The following CDK5RAP1 variants were observed in gnomAD, a reference collection of about 807,000 sequenced individuals.
CDK5RAP1 encodes CDK5RAP1 mitochondrial tRNA methylthiotransferase.
Under a neutral mutation model 64.5 loss-of-function variants are expected in CDK5RAP1, and 62 were observed. The observed-to-expected ratio is 0.96, with a 90% CI of 0.78 to 1.19. The LOEUF is 1.19. Ranked by LOEUF, CDK5RAP1 falls within the 50% of genes most tolerant of loss-of-function variation. The probability of loss-of-function intolerance (pLI) is 0.00; values close to 1 mark genes in which losing one functional copy is unlikely to be tolerated. For synonymous variants in CDK5RAP1, 250 were observed against 261.9 expected (o/e 0.95, Z 0.44); for missense variants, 657 against 735.0 (o/e 0.89, Z 1.23).
chr20:33,376,541 C>T (rs757655559), intron 8 of CDK5RAP1, among the ~76,000 whole-genome samples: 10 of 152,060 alleles, frequency 6.6e-5, no homozygotes, highest in East Asian at 5.8e-4. Context: ...TCATTGACAA[C>T]GCACCTGGTC....
At position 33,397,066 on chromosome 20, in the gene CDK5RAP1, G is replaced by A. The variant is rs150574173; in HGVS notation, c.-2C>T. 1.1e-5 allele frequency: 17 copies of A among 1,594,194 alleles called. No individual in the cohort carries two copies. Among genetic ancestry groups the A allele is most frequent in the Admixed American group, 1.7e-5 (1 of 57,488 alleles). On this transcript the variant is annotated 5_prime_UTR_variant, in exon 2 of 14. Coordinates refer to ENST00000346416, the MANE Select transcript of CDK5RAP1 (RefSeq NM_016408.4). ...GAGGACACACTGTAAAGGGTGCATG[G>A]CACTAAACAGCCCACAGTCTGCAAA... is the stretch of plus-strand genomic sequence containing the variant.
chr20:33,386,265 T>C (rs951898551), intron 6 of CDK5RAP1, among the ~76,000 whole-genome samples: 9 of 152,188 alleles, frequency 5.9e-5, no homozygotes, highest in African/African-American at 2.2e-4. Context: ...GATTTCTCCA[T>C]GTTGGCCACG....
intron 4 of CDK5RAP1, among the ~76,000 whole-genome samples, chr20:33,392,872 C>T (rs1432232282): frequency 6.7e-6 from 1 of 149,952 alleles, no homozygotes; most frequent in Non-Finnish European, 1.5e-5. Context: ...TTTCCCTATA[C>T]TTAGCAATTT....
chr20:33,380,668 C>T (rs913543379), intron 7 of CDK5RAP1, among the ~76,000 whole-genome samples: 9 of 152,048 alleles, frequency 5.9e-5, no homozygotes, highest in South Asian at 2.1e-4. Context: ...TTAACAATCA[C>T]GTTTTTCTAT....
rs769926209 is a variant in CDK5RAP1, at chr20:33,387,411, G to A, written c.667C>T (p.Gln223Ter). 6.2e-7 allele frequency: 1 copy of A among 1,614,172 alleles called. No individual in the cohort carries two copies. Among genetic ancestry groups the A allele is most frequent in the South Asian group, 1.1e-5 (1 of 91,082 alleles). ...RLLAVAESGQ[Q>*]AANVLLSLDE... ...AGAGAGAGCAGCACGTTGGCAGCTT[G>A]CTGGCCCGACTCAGCAACAGCCAGC... Residue 223 changes from glutamine (Q) to a stop codon, truncating the protein, a stop_gained, in exon 6 of 14, where the codon CAA becomes TAA. Coordinates refer to ENST00000346416, the MANE Select transcript of CDK5RAP1 (RefSeq NM_016408.4). LOFTEE classifies it high-confidence loss of function.
intron 5 of CDK5RAP1, among the ~76,000 whole-genome samples, chr20:33,390,587 A>T (rs1988203759): frequency 1.3e-5 from 2 of 152,204 alleles, no homozygotes; most frequent in Non-Finnish European, 1.5e-5. Flanking sequence ...GTGCCACAGA[A>T]ATATACTATT....
At chr20:33,380,079 C>A (rs1040117782) in intron 7 of CDK5RAP1, among the ~76,000 whole-genome samples, 1 of 152,194 alleles carries the variant, frequency 6.6e-6, no homozygotes, top group Non-Finnish European at 1.5e-5. Flanking sequence ...TTACACCTAA[C>A]TTCCAGTTAC....
In CDK5RAP1 at chr20:33,395,233, G is replaced by A. The variant is rs1053323188; in HGVS notation, c.305-117C>T. 4 of 649,684 alleles carry A rather than the reference G, an allele frequency of 6.2e-6. No individual in the cohort carries two copies. In the African/African-American group the frequency reaches 7.2e-5, roughly 12 times the overall value. The allele number at this position is 649,684 out of a possible 1,614,324, so 40.2% of individuals were successfully genotyped here. Reference sequence around the variant, plus strand: ...TCTGAGGCATCTGGTTATCCACTAAGTCCCCTATTGCTTCAATCTTAAGAT... The same window carrying A: ...TCTGAGGCATCTGGTTATCCACTAAATCCCCTATTGCTTCAATCTTAAGAT... On this transcript the variant is annotated intron_variant, in intron 2 of 13. Coordinates refer to ENST00000346416, the MANE Select transcript of CDK5RAP1 (RefSeq NM_016408.4).
intron 9 of CDK5RAP1, 24 bp from the exon 10 acceptor site, chr20:33,372,721 A>C: frequency 6.6e-7 from 1 of 1,525,768 alleles, no homozygotes; most frequent in African/African-American, 1.4e-5. Flanking sequence ...CAAAAGGAAA[A>C]GGCCTACATA....
At chr20:33,376,306 A>T (rs1354218608) in intron 8 of CDK5RAP1, among the ~76,000 whole-genome samples, 1 of 152,160 alleles carries the variant, frequency 6.6e-6, no homozygotes, top group Non-Finnish European at 1.5e-5. Context: ...CCTGGGTGAC[A>T]GAGCAAGACT....
intron 8 of CDK5RAP1, 47 bp downstream of exon 8, chr20:33,379,414 G>A (rs921802909): frequency 4.4e-5 from 61 of 1,394,346 alleles, no homozygotes; most frequent in Non-Finnish European, 5.8e-5. Context: ...CCTTTGGCAT[G>A]CTCAAGAATA....
intron 5 of CDK5RAP1, among the ~76,000 whole-genome samples, chr20:33,389,604 G>C (rs1275811465): frequency 6.8e-6 from 1 of 148,036 alleles, no homozygotes; most frequent in Admixed American, 6.7e-5. Context: ...GCCCCCGCCC[G>C]GCCAGCCGCC....
chr20:33,381,301 A>C (rs997847541), intron 7 of CDK5RAP1, among the ~76,000 whole-genome samples: 1 of 152,214 alleles, frequency 6.6e-6, no homozygotes, highest in Non-Finnish European at 1.5e-5. Context: ...TCTTAAAAAC[A>C]AGGGCATTCT....
chr20:33,367,026 AAG>A lies in CDK5RAP1; in HGVS notation c.1393-20_1393-19del. The A allele has an allele frequency of 6.3e-7, 1 of 1,590,934 alleles. No homozygotes were observed. Among genetic ancestry groups the A allele is most frequent in the Non-Finnish European group, 8.5e-7 (1 of 1,171,274 alleles). The stretch of plus-strand genomic sequence containing the variant: ...CGTGTCTTCTATTAAAAAAAAAAAA[AAG>A]AGAGAAGATGGAGGTCACCAAGGAC... On this transcript the variant is annotated intron_variant, in intron 11 of 13. Transcript: ENST00000346416.
At chr20:33,399,754 G>A (rs1003641862) in intron 1 of CDK5RAP1, among the ~76,000 whole-genome samples, 4 of 152,194 alleles carry the variant, frequency 2.6e-5, no homozygotes, top group African/African-American at 4.8e-5. Flanking sequence ...GAGCCAGTGC[G>A]GTGGCTGACA....
In CDK5RAP1 at chr20:33,370,540, G is replaced by A. The variant is rs146896589; in HGVS notation, c.1351C>T (p.Gln451Ter). 10 of 1,614,034 alleles carry A rather than the reference G, an allele frequency of 6.2e-6. No homozygotes were observed. Among genetic ancestry groups the A allele is most frequent in the African/African-American group, 1.3e-5 (1 of 74,912 alleles). Residue 451 changes from glutamine to a stop codon, truncating the protein, a stop_gained, in exon 11 of 14, where the codon CAG becomes TAG. Transcript: ENST00000346416. LOFTEE classifies it high-confidence loss of function. ...VQTVSLLREV[Q>*]YNMGFLFAYS... ...GCAAAGAGGAAGCCCATGTTGTACT[G>A]AACTTCCCGGAGCAAAGAGACTGTC...
At chr20:33,401,391 C>T (rs1172292138) in intron 1 of CDK5RAP1, 37 bp downstream of exon 1, 1 of 985,106 alleles carries the variant, frequency 1.0e-6, no homozygotes, top group Non-Finnish European at 1.2e-6. Context: ...CAGTCAAAAG[C>T]GGGTGCGCAG....
intron 1 of CDK5RAP1, 49 bp downstream of exon 1, chr20:33,401,379 G>A: frequency 1.1e-5 from 11 of 984,566 alleles, no homozygotes; most frequent in Non-Finnish European, 1.3e-5. Flanking sequence ...TGCCCCAGGC[G>A]CCAGTCAAAA....
At chr20:33,393,932 G>T in intron 4 of CDK5RAP1, 100 bp downstream of exon 4, 1 of 835,678 alleles carries the variant, frequency 1.2e-6, no homozygotes, top group Non-Finnish European at 2.1e-6. Flanking sequence ...ACTGCCATGG[G>T]GCCACTGGCT....
Sources: allele counts gnomAD v4.1 joint callset (sites outside exome capture counted in the v4.1 genomes callset), GRCh38; gene constraint gnomAD v4.1.1; transcripts MANE v1.5; gene names NCBI Gene and HGNC (gene_info 2026-07-23, HGNC 2026-07-21).